CREBBP: variants seen among roughly 807,000 people sequenced by gnomAD.
The protein encoded by CREBBP is CREB binding lysine acetyltransferase.
CREBBP carries 19 observed loss-of-function variants against 265.0 expected under a neutral mutation model. The ratio of observed to expected loss-of-function variants is 0.07; its 90% CI spans 0.05 to 0.11. The LOEUF (loss-of-function observed/expected upper bound fraction) is 0.11, where lower values mean the gene tolerates loss of function less well. CREBBP is among the 10% of genes least tolerant of loss of function. The pLI is 1.00. For synonymous variants in CREBBP, 1,457 were observed against 1,223.7 expected (o/e 1.19, Z -3.98); for missense variants, 2,525 against 3,219.0 (o/e 0.78, Z 5.22).
chr16:3,796,129 T>G (rs911468352), intron 3 of CREBBP, among the ~76,000 whole-genome samples: 1 of 152,164 alleles, frequency 6.6e-6, no homozygotes, highest in African/African-American at 2.4e-5. Context: ...TACAGAAATA[T>G]CACATACCAA....
chr16:3,839,011 A>G (rs2054512052), intron 2 of CREBBP, among the ~76,000 whole-genome samples: 1 of 152,238 alleles, frequency 6.6e-6, no homozygotes, highest in African/African-American at 2.4e-5. Context: ...CTATGCATAT[A>G]CTAAGAATGT....
At chr16:3,762,361 CTTTTTTTTTTT>C (rs35125490) in intron 16 of CREBBP, among the ~76,000 whole-genome samples, 3 of 118,690 alleles carry the variant, frequency 2.5e-5, no homozygotes, top group South Asian at 2.6e-4. Flanking sequence ...ATTTTCTTTC[CTTTTTTTTTTT>C]TTTTTTTTTG....
chr16:3,774,253 C>T (rs1374644278), intron 12 of CREBBP, among the ~76,000 whole-genome samples: 3 of 152,148 alleles, frequency 2.0e-5, no homozygotes, highest in East Asian at 1.9e-4. Context: ...CTCGGAACAG[C>T]GAGCTCTCAG....
rs2051811675 is a variant in CREBBP at position 3,728,449 on chromosome 16, G to C, written c.6598C>G (p.Gln2200Glu). ...TGTTGCTGCTGCTGTTGCTGCTGCT[G>C]CTGCAGCAGCTGCCTCCGTAACATT... ...REMLRRQLLQ[Q>E]QQQQQQQQQQ... The change falls in exon 31 of 31, where the codon CAG becomes GAG. Residue 2200 changes from glutamine to glutamate, a missense_variant. Physicochemically the swap from Gln to Glu is conservative, Grantham distance 29. Transcript: ENST00000262367. The surrounding 1 kb of genome is among the most constrained non-coding windows in gnomAD (Gnocchi z 8.7). 1.9e-6 allele frequency: 3 copies of C among 1,613,470 alleles called. No homozygotes were observed. Among genetic ancestry groups the C allele is most frequent in the South Asian group, 1.1e-5 (1 of 91,076 alleles).
chr16:3,811,614 C>T (rs1424094422), intron 2 of CREBBP, among the ~76,000 whole-genome samples: 2 of 152,152 alleles, frequency 1.3e-5, no homozygotes, highest in Non-Finnish European at 2.9e-5. Context: ...GCCTCAGCCT[C>T]CTGAGTAGCT....
chr16:3,818,603 C>T (rs758323422), intron 2 of CREBBP, among the ~76,000 whole-genome samples: 2 of 152,118 alleles, frequency 1.3e-5, no homozygotes, highest in South Asian at 2.1e-4. Context: ...GGATTACAGG[C>T]GTGAGCCACC....
chr16:3,858,273 T>G (rs115056042), intron 1 of CREBBP, among the ~76,000 whole-genome samples: 95 of 152,334 alleles, frequency 6.2e-4, no homozygotes, highest in African/African-American at 2.1e-3. Flanking sequence ...GAAAAAAATT[T>G]CAAAGCCATC....
chr16:3,784,892 T>C (rs1015630375), intron 5 of CREBBP, among the ~76,000 whole-genome samples: 1 of 152,238 alleles, frequency 6.6e-6, no homozygotes, highest in Non-Finnish European at 1.5e-5. Flanking sequence ...CTGCATTTTG[T>C]GTTAGAGGCA....
At chr16:3,769,905 C>CT (rs1567298188) in intron 14 of CREBBP, among the ~76,000 whole-genome samples, 3 of 152,020 alleles carry the variant, frequency 2.0e-5, no homozygotes, top group Non-Finnish European at 4.4e-5. Context: ...GAGTCTCACT[C>CT]TGTCACCTAG....
At position 3,770,736 on chromosome 16, in the gene CREBBP, G is replaced by A. The variant is rs1596886307; in HGVS notation, c.2714C>T (p.Ser905Leu). Residue 905 changes from serine to leucine, a missense_variant, in exon 14 of 31, where the codon TCA becomes TTA. Ser to Leu is a moderately radical substitution (Grantham distance 145). Transcript: ENST00000262367. ...CTGGGTTTGGGTAGCACTGGGCACT[G>A]AGCCAGGAGTCGGGGTGGGAGTCTG... ...SGQTPTPTPG[S>L]VPSATQTQST... 1 of 1,614,124 alleles carries A rather than the reference G, an allele frequency of 6.2e-7. No individual in the cohort carries two copies. The highest frequency in any genetic ancestry group is 2.2e-5 in the East Asian group (1 of 44,862).
At chr16:3,866,905 G>A (rs1046061488) in intron 1 of CREBBP, among the ~76,000 whole-genome samples, 7 of 152,106 alleles carry the variant, frequency 4.6e-5, no homozygotes, top group African/African-American at 1.7e-4. Flanking sequence ...CAATGCCAGG[G>A]AACTCAGCTA....
rs373399377 is a variant in CREBBP, at chr16:3,727,898, G to A, written c.7149C>T (p.Pro2383=). The A allele has an allele frequency of 6.2e-7, 1 of 1,613,066 alleles. No individual in the cohort carries two copies. The highest frequency in any genetic ancestry group is 8.5e-7 in the Non-Finnish European group (1 of 1,179,370). Residue 2383 remains proline (P), a synonymous_variant, in exon 31 of 31, where the codon CCC becomes CCT. Transcript: ENST00000262367. ...CCATGGTGACTGCGAGTCCGGGGTG[G>A]GGGGAACCAGTCTGGGGTGAGACGT... ...PHHVSPQTGS[P]HPGLAVTMAS... is the part of the protein sequence containing the mutation.
At position 3,731,803 on chromosome 16, in the gene CREBBP, C is replaced by T. The variant is rs774741178; in HGVS notation, c.4863G>A (p.Leu1621=). The T allele has an allele frequency of 3.7e-6, 6 of 1,614,268 alleles. No homozygotes were observed. The Admixed American group carries it at 6.7e-5, about 18-fold the overall frequency. The part of the protein sequence containing the change: ...PNVSNDLSQK[L]YATMEKHKEV... ...CCTTGTGCTTCTCCATGGTGGCATA[C>T]AGCTTCTGGGACAGGTCATTGGACA... is the stretch of plus-strand genomic sequence containing the variant. Residue 1621 remains leucine, a synonymous_variant, in exon 29 of 31, where the codon CTG becomes CTA. Coordinates refer to ENST00000262367, the MANE Select transcript of CREBBP (RefSeq NM_004380.3). This position sits in a 1 kb window ranked among gnomAD's most constrained non-coding sequence, Gnocchi z 7.7.
intron 23 of CREBBP, among the ~76,000 whole-genome samples, chr16:3,744,056 C>CA (rs2052281521): frequency 2.0e-5 from 3 of 152,142 alleles, no homozygotes; most frequent in African/African-American, 7.2e-5. Flanking sequence ...AGCCTGGCGA[C>CA]AGAGCGAGAA....
In CREBBP at chr16:3,732,791, CCAA is replaced by C. The variant is rs531740895; in HGVS notation, c.4729-857_4729-855del. On this transcript the variant is annotated intron_variant, in intron 28 of 30. Transcript: ENST00000262367. ...TCTCGGCTCACTGCAACCTCTGCCTCCAAGGTTCAAGCGATTCTCCTGCCTGAA... is the reference window on the plus strand; with the variant it reads ...TCTCGGCTCACTGCAACCTCTGCCTCGGTTCAAGCGATTCTCCTGCCTGAA... 6.3e-4 allele frequency among the ~76,000 whole-genome samples: 96 copies of C among 152,098 alleles called. 1 individual carries two copies. The highest frequency in any genetic ancestry group is 2.3e-3 in the African/African-American group (94 of 41,520).
At chr16:3,792,221 C>G in intron 4 of CREBBP, 127 bp from the exon 5 acceptor site, 1 of 826,218 alleles carries the variant, frequency 1.2e-6, no homozygotes, top group South Asian at 1.4e-5. Flanking sequence ...ACAGTATAGG[C>G]AGTCCTCAAC....
chr16:3,793,594 G>T lies in CREBBP; in HGVS notation c.1008C>A (p.Pro336=). ...SQMQTSVGIV[P]TQAIATGPTA... ...TGGGGCCTGTTGCAATTGCTTGTGTGGGTACAATTCCCACTGATGTTTGCA... is the reference window on the plus strand; with the variant it reads ...TGGGGCCTGTTGCAATTGCTTGTGTTGGTACAATTCCCACTGATGTTTGCA... The change falls in exon 4 of 31, where the codon CCC becomes CCA. Residue 336 remains proline (P), a synonymous_variant. Coordinates refer to ENST00000262367, the MANE Select transcript of CREBBP (RefSeq NM_004380.3). 8 of 1,613,460 alleles carry T rather than the reference G, an allele frequency of 5.0e-6. No homozygotes were observed. Among genetic ancestry groups the T allele is most frequent in the African/African-American group, 1.3e-5 (1 of 74,972 alleles).
chr16:3,857,691 G>A (rs2054992107), intron 1 of CREBBP, among the ~76,000 whole-genome samples: 1 of 152,204 alleles, frequency 6.6e-6, no homozygotes, highest in Non-Finnish European at 1.5e-5. Flanking sequence ...AAAGGAGACT[G>A]TGGGCACCCT....
intron 1 of CREBBP, among the ~76,000 whole-genome samples, chr16:3,870,569 C>T (rs1214943161): frequency 2.6e-5 from 4 of 152,076 alleles, no homozygotes; most frequent in Non-Finnish European, 5.9e-5. Flanking sequence ...ATGAGTCAAA[C>T]GATTACCCAT....
Sources: allele counts gnomAD v4.1 joint callset (sites outside exome capture counted in the v4.1 genomes callset), GRCh38; gene constraint gnomAD v4.1.1; non-coding constraint Gnocchi (gnomAD v3.1); transcripts MANE v1.5; gene names NCBI Gene and HGNC (gene_info 2026-07-23, HGNC 2026-07-21).